The following TOPAZ1 variants were observed in gnomAD, a reference collection of about 807,000 sequenced individuals.
TOPAZ1 encodes the protein testis and ovary specific TOPAZ 1.
Under a neutral mutation model 172.2 loss-of-function variants are expected in TOPAZ1, and 66 were observed. That is an observed-to-expected ratio of 0.38 (90% CI 0.31 to 0.47). The LOEUF is 0.47. Ranked by LOEUF, TOPAZ1 falls within the 20% of genes least tolerant of loss-of-function variation. The probability of loss-of-function intolerance (pLI) is 0.99; values close to 1 mark genes in which losing one functional copy is unlikely to be tolerated. For missense variants in TOPAZ1, 1,822 were observed against 1,972.4 expected (o/e 0.92, Z 1.44); for synonymous variants, 681 against 683.9 (o/e 1.00, Z 0.07).
At chr3:44,292,617 A>G (rs564687446) in intron 12 of TOPAZ1, among the ~76,000 whole-genome samples, 18 of 152,314 alleles carry the variant, frequency 1.2e-4, no homozygotes, top group Admixed American at 5.2e-4. Context: ...TCCTGTTAGT[A>G]TATAGGAAGA....
chr3:44,279,120 T>C (rs1699995943), intron 8 of TOPAZ1, among the ~76,000 whole-genome samples: 1 of 152,194 alleles, frequency 6.6e-6, no homozygotes, highest in South Asian at 2.1e-4. Flanking sequence ...TTAGTTTCCA[T>C]GTATTTGCAC....
At chr3:44,255,476 C>T (rs899383366) in intron 3 of TOPAZ1, among the ~76,000 whole-genome samples, 1 of 151,734 alleles carries the variant, frequency 6.6e-6, no homozygotes, top group Non-Finnish European at 1.5e-5. Flanking sequence ...CATGGTGAAA[C>T]CCCATCTCTA....
rs143723731 is a variant in TOPAZ1 at position 44,293,026 on chromosome 3, C to T, written c.3797+2140C>T. ...TAATGTTTTGGTTAATGATGGACCA[C>T]ATATACCATGGTGATCCCATAAAAT... On this transcript the variant is annotated intron_variant, in intron 12 of 19. Coordinates refer to ENST00000309765, the MANE Select transcript of TOPAZ1 (RefSeq NM_001145030.2). Among the ~76,000 whole-genome samples, 622 of 152,244 alleles carry T rather than the reference C, an allele frequency of 4.1e-3. 9 individuals carry two copies. The highest frequency in any genetic ancestry group is 0.014 in the African/African-American group (594 of 41,538).
At position 44,256,260 on chromosome 3, in the gene TOPAZ1, T is replaced by C. The variant is rs931672326; in HGVS notation, c.2937T>C (p.Gly979=). ...TLGDFSEQIK[G]SDLDEKHRFT... is the part of the protein sequence containing the mutation. ...GAGACTTCAGTGAACAAATAAAAGG[T>C]TCAGACTTGGATGAAAAGGTACTAG... is the stretch of plus-strand genomic sequence containing the variant. The change falls in exon 4 of 20, where the codon GGT becomes GGC. Residue 979 remains glycine (G), a synonymous_variant. Transcript: ENST00000309765. 2.6e-6 allele frequency: 4 copies of C among 1,522,828 alleles called. No homozygotes were observed. In the African/African-American group the frequency reaches 4.2e-5, roughly 16 times the overall value. 94.3% of individuals were successfully genotyped at this position (1,522,828 alleles called of 1,614,324 possible).
At position 44,242,275 on chromosome 3, in the gene TOPAZ1, T is replaced by C; in HGVS notation, c.222T>C (p.Ala74=). 6.5e-7 allele frequency: 1 copy of C among 1,549,892 alleles called. No homozygotes were observed. Among genetic ancestry groups the C allele is most frequent in the Non-Finnish European group, 8.7e-7 (1 of 1,146,532 alleles). The change falls in exon 1 of 20, where the codon GCT becomes GCC. Residue 74 remains alanine (A), a synonymous_variant. Coordinates refer to ENST00000309765, the MANE Select transcript of TOPAZ1 (RefSeq NM_001145030.2). ...ESDKSVAASG[A]GKAARRQVEG... Reference sequence around the variant, plus strand: ...ATAAGTCGGTTGCAGCATCAGGGGCTGGAAAGGCCGCAAGGCGTCAGGTGG... The same window carrying C: ...ATAAGTCGGTTGCAGCATCAGGGGCCGGAAAGGCCGCAAGGCGTCAGGTGG...
chr3:44,309,885 CTT>C lies in TOPAZ1; in HGVS notation c.4202_4203del (p.Leu1401HisfsTer4). 1 of 1,549,314 alleles carries C rather than the reference CTT, an allele frequency of 6.5e-7. No homozygotes were observed. Among genetic ancestry groups the C allele is most frequent in the Non-Finnish European group, 8.7e-7 (1 of 1,145,050 alleles). ...LKIHFTSLKG[L>X]IGPEKLASRC... ...AATACACTTTACAAGTTTAAAAGGACTTATAGGGCCTGAGAAGTTAGCATCAA... is the reference window on the plus strand; with the variant it reads ...AATACACTTTACAAGTTTAAAAGGACATAGGGCCTGAGAAGTTAGCATCAA... On this transcript the variant is annotated frameshift_variant, in exon 16 of 20. Coordinates refer to ENST00000309765, the MANE Select transcript of TOPAZ1 (RefSeq NM_001145030.2). LOFTEE classifies it high-confidence loss of function.
At chr3:44,309,727 T>C (rs1364627568) in intron 15 of TOPAZ1, 98 bp from the exon 16 acceptor site, 3 of 875,192 alleles carry the variant, frequency 3.4e-6, no homozygotes, top group Non-Finnish European at 3.5e-6. Flanking sequence ...TCTAGGATGA[T>C]GATTCAAACT....
chr3:44,331,843 A>G lies in TOPAZ1; in HGVS notation c.4911A>G (p.Glu1637=). ...RSNDDYQAAV[E]RLIMAARISD... ...ATGATGATTATCAAGCTGCAGTAGA[A>G]AGGTTAATTATGGCTGCTCGTATAT... Residue 1637 remains glutamate (E), a synonymous_variant, in exon 20 of 20, where the codon GAA becomes GAG. Transcript: ENST00000309765. 4 of 1,552,164 alleles carry G rather than the reference A, an allele frequency of 2.6e-6. No individual in the cohort carries two copies. The highest frequency in any genetic ancestry group is 3.5e-6 in the Non-Finnish European group (4 of 1,147,084).
Position 44,323,219 on chromosome 3 carries a change from T to C in TOPAZ1, c.4599T>C (p.Asp1533=), listed in dbSNP as rs1385629560. 3 of 1,550,594 alleles carry C rather than the reference T, an allele frequency of 1.9e-6. No individual in the cohort carries two copies. The Admixed American group carries it at 5.9e-5, about 30-fold the overall frequency. Residue 1533 remains aspartate (D), a synonymous_variant, in exon 18 of 20, where the codon GAT becomes GAC. Coordinates refer to ENST00000309765, the MANE Select transcript of TOPAZ1 (RefSeq NM_001145030.2). ...EFMISKSIPI[D]FSFLRRLITS... ...TGATTTCAAAGAGCATCCCTATTGA[T>C]TTTTCCTTTCTCAGAAGATTAATTA...
intron 12 of TOPAZ1, among the ~76,000 whole-genome samples, chr3:44,297,169 C>CAAA (rs35773194): frequency 8.0e-4 from 109 of 135,540 alleles, no homozygotes; most frequent in African/African-American, 1.7e-3. Context: ...AAGTCTGTCT[C>CAAA]AAAAAAAAAA....
intron 12 of TOPAZ1, among the ~76,000 whole-genome samples, chr3:44,291,340 C>T (rs1369721943): frequency 1.3e-5 from 2 of 150,114 alleles, no homozygotes; most frequent in African/African-American, 2.4e-5. Context: ...CCGTGGCTCA[C>T]GCCTGTAATC....
At chr3:44,283,851 C>T (rs955348126) in intron 9 of TOPAZ1, among the ~76,000 whole-genome samples, 12 of 152,102 alleles carry the variant, frequency 7.9e-5, no homozygotes, top group African/African-American at 2.7e-4. Context: ...TGCATATTTC[C>T]GAAAAACAGG....
chr3:44,281,733 T>C (rs1559536008), intron 8 of TOPAZ1, among the ~76,000 whole-genome samples: 2 of 152,220 alleles, frequency 1.3e-5, no homozygotes, highest in South Asian at 2.1e-4. Context: ...AATACATTGG[T>C]CAATGTGTTT....
At chr3:44,267,529 T>C (rs1699845725) in intron 6 of TOPAZ1, among the ~76,000 whole-genome samples, 2 of 152,064 alleles carry the variant, frequency 1.3e-5, no homozygotes, top group Admixed American at 1.3e-4. Flanking sequence ...ACTCCTGACC[T>C]CGTAATCTGT....
chr3:44,278,463 TTC>T (rs1699987653), intron 8 of TOPAZ1, among the ~76,000 whole-genome samples: 1 of 152,174 alleles, frequency 6.6e-6, no homozygotes, highest in African/African-American at 2.4e-5. Flanking sequence ...TTAGTTCTTC[TTC>T]GAAAGTTTGG....
downstream of TOPAZ1, among the ~76,000 whole-genome samples, chr3:44,333,676 C>CA (rs1281615998): frequency 6.6e-6 from 1 of 152,134 alleles, no homozygotes; most frequent in African/African-American, 2.4e-5. Context: ...CTGGAACAAA[C>CA]AGAGGCATTT....
At chr3:44,317,377 C>T (rs1353313292) in intron 16 of TOPAZ1, among the ~76,000 whole-genome samples, 3 of 152,038 alleles carry the variant, frequency 2.0e-5, no homozygotes, top group East Asian at 1.9e-4. Context: ...GCCAAGATCG[C>T]GGCACTGCAC....
chr3:44,298,904 TATATA>T (rs1246686718), intron 12 of TOPAZ1, among the ~76,000 whole-genome samples: 1 of 12,224 alleles, frequency 8.2e-5, no homozygotes, highest in Non-Finnish European at 1.3e-4. Context: ...TATATATATA[TATATA>T]TTTTTTTTTT....
At chr3:44,251,676 T>C (rs2125678541) in intron 2 of TOPAZ1, among the ~76,000 whole-genome samples, 1 of 152,336 alleles carries the variant, frequency 6.6e-6, no homozygotes, top group East Asian at 1.9e-4. Context: ...TAAATAGATT[T>C]CATTATCCAC....
Sources: gnomAD v4.1 joint callset for allele counts (sites outside exome capture counted in the v4.1 genomes callset) on GRCh38, gnomAD v4.1.1 for gene constraint, MANE v1.5 for transcripts, NCBI Gene and HGNC (gene_info 2026-07-23, HGNC 2026-07-21) for gene names.